PPM1B: variants seen among roughly 807,000 people sequenced by gnomAD.
PPM1B encodes protein phosphatase, Mg2+/Mn2+ dependent 1B.
PPM1B carries 22 observed loss-of-function variants against 43.0 expected under a neutral mutation model. The ratio of observed to expected loss-of-function variants is 0.51; its 90% CI spans 0.37 to 0.73. The LOEUF (loss-of-function observed/expected upper bound fraction) is 0.73, where lower values mean the gene tolerates loss of function less well. PPM1B is among the 30% of genes least tolerant of loss of function. The probability of loss-of-function intolerance (pLI) is 0.00; values close to 1 mark genes in which losing one functional copy is unlikely to be tolerated. For missense variants in PPM1B, 632 were observed against 584.2 expected, an observed-to-expected ratio of 1.08 and a Z score of -0.84; for synonymous variants, 217 against 197.9, an observed-to-expected ratio of 1.10 and a Z score of -0.81.
In PPM1B at chr2:44,168,930, C is replaced by G. The variant is rs893270348; in HGVS notation, c.-359C>G. 1 of 153,542 alleles carries G rather than the reference C, an allele frequency of 6.5e-6. No homozygotes were observed. The highest frequency in any genetic ancestry group is 2.4e-5 in the African/African-American group (1 of 41,454). 9.5% of individuals were successfully genotyped at this position (153,542 alleles called of 1,614,324 possible). On this transcript the variant is annotated 5_prime_UTR_variant, in exon 1 of 6. Transcript: ENST00000282412. ...GGCGGAAAAGCCGCCGGTGCTCTGA[C>G]GGCCTCGTTCCCCTAGCAGTTGCGG...
chr2:44,200,654 C>T (rs1049732192), intron 1 of PPM1B, among the ~76,000 whole-genome samples: 1 of 152,084 alleles, frequency 6.6e-6, no homozygotes, highest in African/African-American at 2.4e-5. Context: ...TCTTTAGGTT[C>T]ACTGGGAGGA....
At chr2:44,191,461 G>T (rs986238094) in intron 1 of PPM1B, among the ~76,000 whole-genome samples, 3 of 152,138 alleles carry the variant, frequency 2.0e-5, no homozygotes, top group Non-Finnish European at 2.9e-5. Flanking sequence ...TGATTCGCCT[G>T]CCTCAGCCTC....
intron 5 of PPM1B, among the ~76,000 whole-genome samples, chr2:44,226,974 G>T (rs200979592): frequency 0.029 from 2,171 of 74,666 alleles, 49 homozygotes; most frequent in East Asian, 0.18. Context: ...ATTTATTTAT[G>T]AATGAATGAA....
chr2:44,195,349 A>G (rs1338477307), intron 1 of PPM1B, among the ~76,000 whole-genome samples: 1 of 152,070 alleles, frequency 6.6e-6, no homozygotes, highest in Non-Finnish European at 1.5e-5. Context: ...TGCTGCAGGC[A>G]TACGCCACCA....
chr2:44,202,532 A>G (rs1403227254), intron 2 of PPM1B, among the ~76,000 whole-genome samples: 2 of 152,212 alleles, frequency 1.3e-5, no homozygotes, highest in Non-Finnish European at 2.9e-5. Flanking sequence ...TATGGGTTGT[A>G]TATTTCTCAT....
chr2:44,220,622 A>C (rs1449617993), intron 5 of PPM1B, among the ~76,000 whole-genome samples: 1 of 152,232 alleles, frequency 6.6e-6, no homozygotes, highest in Non-Finnish European at 1.5e-5. Context: ...AAAACGTAAG[A>C]CGTGACCCCA....
At chr2:44,246,806 A>G (rs115672688), downstream of PPM1B, among the ~76,000 whole-genome samples, 3,809 of 152,150 alleles carry the variant, frequency 0.025, 61 homozygotes, top group Non-Finnish European at 0.039. Flanking sequence ...GCTTGTTACA[A>G]TTCTTCCTGT....
intron 1 of PPM1B, among the ~76,000 whole-genome samples, chr2:44,192,186 T>TATTGTATTGTATTG (rs1317680502): frequency 6.8e-4 from 33 of 48,828 alleles, no homozygotes; most frequent in African/African-American, 2.5e-3. Context: ...TTATGTTATG[T>TATTGTATTGTATTG]TATGGTATTG....
In PPM1B at chr2:44,197,204, T is replaced by C. The variant is rs535118355; in HGVS notation, c.-14-3982T>C. Among the ~76,000 whole-genome samples the C allele has an allele frequency of 9.9e-5, 15 of 152,212 alleles. No homozygotes were observed. The East Asian group carries it at 2.7e-3, about 27-fold the overall frequency. ...GGTATAATCAGGGCTCACTGCAGCCTCAACCTCCCAGGCTCAGGAGATCTC... is the reference window on the plus strand; with the variant it reads ...GGTATAATCAGGGCTCACTGCAGCCCCAACCTCCCAGGCTCAGGAGATCTC... On this transcript the variant is annotated intron_variant, in intron 1 of 5. Transcript: ENST00000282412.
intron 1 of PPM1B, among the ~76,000 whole-genome samples, chr2:44,190,715 T>G (rs1396038439): frequency 6.6e-6 from 1 of 152,238 alleles, no homozygotes; most frequent in African/African-American, 2.4e-5. Context: ...CTAAACAGTT[T>G]CTGTTCTACA....
At chr2:44,215,960 G>C (rs1669699919) in intron 3 of PPM1B, among the ~76,000 whole-genome samples, 1 of 152,174 alleles carries the variant, frequency 6.6e-6, no homozygotes, top group African/African-American at 2.4e-5. Flanking sequence ...GACTAGGAGG[G>C]AATGTTCTTA....
intron 5 of PPM1B, among the ~76,000 whole-genome samples, chr2:44,222,577 G>C (rs932324966): frequency 6.6e-5 from 10 of 152,118 alleles, no homozygotes; most frequent in African/African-American, 2.2e-4. Flanking sequence ...TACACACACA[G>C]AGTCATAGGT....
At chr2:44,174,408 T>C (rs1157782116) in intron 1 of PPM1B, among the ~76,000 whole-genome samples, 4 of 152,222 alleles carry the variant, frequency 2.6e-5, no homozygotes, top group Non-Finnish European at 2.9e-5. Context: ...GGTAGTGATA[T>C]AGGGAGGATA....
downstream of PPM1B, chr2:44,232,849 TATTG>T: frequency 8.2e-6 from 8 of 969,998 alleles, no homozygotes; most frequent in Non-Finnish European, 6.1e-6. Context: ...ATGTATTTAT[TATTG>T]ATTGTTATTT....
intron 5 of PPM1B, among the ~76,000 whole-genome samples, chr2:44,223,661 A>AG (rs1206848996): frequency 1.3e-5 from 2 of 151,182 alleles, no homozygotes; most frequent in Non-Finnish European, 3.0e-5. Flanking sequence ...TACAAAAAAA[A>AG]CAAAATTAGC....
Position 44,181,301 on chromosome 2 carries a change from T to C in PPM1B, c.-15+12027T>C, listed in dbSNP as rs1457760777. On this transcript the variant is annotated intron_variant, in intron 1 of 5. Transcript: ENST00000282412. Reference sequence around the variant, plus strand: ...GAAGGATTTGGCTAGCTAAATAAAGTAGAAAAAACTGACTGTGAGGTGGGA... The same window carrying C: ...GAAGGATTTGGCTAGCTAAATAAAGCAGAAAAAACTGACTGTGAGGTGGGA... 2.0e-5 allele frequency among the ~76,000 whole-genome samples: 3 copies of C among 152,096 alleles called. No individual in the cohort carries two copies. The East Asian group carries it at 5.8e-4, about 29-fold the overall frequency.
In PPM1B at chr2:44,207,256, A is replaced by G. The variant is rs184064521; in HGVS notation, c.847-1954A>G. 2.0e-5 allele frequency among the ~76,000 whole-genome samples: 3 copies of G among 152,332 alleles called. No individual in the cohort carries two copies. The East Asian group carries it at 5.8e-4, about 29-fold the overall frequency. ...GTGTCATGTAGGTTCTGAAAGGCAT[A>G]AGTCTGAACCGAGCCATGCCTGCCT... On this transcript the variant is annotated intron_variant, in intron 2 of 5. Coordinates refer to ENST00000282412, the MANE Select transcript of PPM1B (RefSeq NM_002706.6).
downstream of PPM1B, among the ~76,000 whole-genome samples, chr2:44,237,796 C>T (rs1670656913): frequency 6.6e-6 from 1 of 152,130 alleles, no homozygotes; most frequent in Admixed American, 6.5e-5. Flanking sequence ...GGGTCTGATA[C>T]CTTCTTTCCC....
chr2:44,210,689 C>T (rs1295063978), intron 3 of PPM1B, among the ~76,000 whole-genome samples: 4 of 152,218 alleles, frequency 2.6e-5, no homozygotes, highest in East Asian at 1.9e-4. Context: ...TTCCTTCCTT[C>T]CCTCTCCACC....
Sources: gnomAD v4.1 joint callset for allele counts (sites outside exome capture counted in the v4.1 genomes callset) on GRCh38, gnomAD v4.1.1 for gene constraint, MANE v1.5 for transcripts, NCBI Gene and HGNC (gene_info 2026-07-23, HGNC 2026-07-21) for gene names.